LGI2: variants seen among roughly 807,000 people sequenced by gnomAD.
LGI2 encodes leucine-rich repeat LGI family member 2.
A neutral mutation model predicts 52.0 loss-of-function variants in LGI2; 30 were observed. The observed-to-expected ratio is 0.58, with a 90% confidence interval of 0.43 to 0.78. The LOEUF (loss-of-function observed/expected upper bound fraction) is 0.78, where lower values mean the gene tolerates loss of function less well. Among genes scored for constraint, LGI2 ranks in the 30% least tolerant of loss-of-function variants. The pLI is 0.00. For synonymous variants in LGI2, 270 were observed against 271.8 expected, an observed-to-expected ratio of 0.99 and a Z score of 0.06; for missense variants, 573 against 692.5, an observed-to-expected ratio of 0.83 and a Z score of 1.94.
intron 7 of LGI2, among the ~76,000 whole-genome samples, chr4:25,010,657 A>G (rs913365110): frequency 9.8e-5 from 15 of 152,310 alleles, no homozygotes; most frequent in Non-Finnish European, 1.9e-4. Flanking sequence ...TCCTCTCTCT[A>G]AAGAAGAGAG....
rs941773836 is a variant in LGI2, at chr4:25,002,420, T to C, written c.*1031A>G. 1 of 152,706 alleles carries C rather than the reference T, an allele frequency of 6.5e-6. No individual in the cohort carries two copies. The highest frequency in any genetic ancestry group is 1.5e-5 in the Non-Finnish European group (1 of 68,154). 9.5% of individuals were successfully genotyped at this position (152,706 alleles called of 1,614,324 possible). ...GCTGGCAGGGAAGTTGGTATTCGAT[T>C]ACTTGAAATATTAAGTTGTCCAGAG... On this transcript the variant is annotated 3_prime_UTR_variant, in exon 8 of 8. Transcript: ENST00000382114.
At chr4:25,029,225 T>C (rs1012159273) in intron 1 of LGI2, among the ~76,000 whole-genome samples, 13 of 152,228 alleles carry the variant, frequency 8.5e-5, no homozygotes, top group Non-Finnish European at 2.9e-5. Context: ...TCAGTTGGCA[T>C]GCAGATCACT....
At chr4:24,995,950 G>A (rs1725063056), downstream of LGI2, among the ~76,000 whole-genome samples, 1 of 152,186 alleles carries the variant, frequency 6.6e-6, no homozygotes, top group Middle Eastern at 3.2e-3. Flanking sequence ...GCTGGCCAGT[G>A]GATGAAATGG....
intron 6 of LGI2, among the ~76,000 whole-genome samples, chr4:25,016,521 C>T (rs537783401): frequency 1.3e-5 from 2 of 152,336 alleles, no homozygotes; most frequent in South Asian, 4.1e-4. Context: ...ATACAATAAA[C>T]TAACCTCGTA....
downstream of LGI2, among the ~76,000 whole-genome samples, chr4:24,995,554 C>G (rs776986636): frequency 5.9e-5 from 9 of 152,160 alleles, no homozygotes; most frequent in Non-Finnish European, 1.3e-4. Flanking sequence ...CCCACATGGG[C>G]CCCTCAACAG....
chr4:25,013,082 C>T (rs1483587683), intron 6 of LGI2, among the ~76,000 whole-genome samples: 1 of 152,172 alleles, frequency 6.6e-6, no homozygotes, highest in African/African-American at 2.4e-5. Context: ...GGTACACTCC[C>T]CAAATGGTAC....
At chr4:25,009,888 C>G (rs1725522358) in intron 7 of LGI2, among the ~76,000 whole-genome samples, 1 of 152,128 alleles carries the variant, frequency 6.6e-6, no homozygotes, top group Non-Finnish European at 1.5e-5. Context: ...CCTGCCTCGG[C>G]CTCCCAAACT....
chr4:25,016,228 C>T (rs368317122), intron 6 of LGI2, among the ~76,000 whole-genome samples: 24 of 152,302 alleles, frequency 1.6e-4, no homozygotes, highest in African/African-American at 5.1e-4. Flanking sequence ...CCTATTCCCA[C>T]GGCCCTATAG....
intron 7 of LGI2, among the ~76,000 whole-genome samples, chr4:25,005,643 G>C (rs981314539): frequency 6.6e-6 from 1 of 152,052 alleles, no homozygotes; most frequent in African/African-American, 2.4e-5. Flanking sequence ...CTCCTGGGGT[G>C]GTGGGGGGTT....
intron 2 of LGI2, 26 bp from the exon 3 acceptor site, chr4:25,026,965 G>A (rs779778471): frequency 7.7e-6 from 12 of 1,563,558 alleles, no homozygotes; most frequent in East Asian, 2.2e-5. Context: ...AGATTCCAAT[G>A]GAGAGATGTA....
chr4:24,993,624 T>C, the LGI2 span, among the ~76,000 whole-genome samples: 1 of 152,196 alleles, frequency 6.6e-6, no homozygotes, highest in Non-Finnish European at 1.5e-5. Flanking sequence ...GAAAATTTCA[T>C]GTTAATTTCA....
chr4:25,013,340 A>G (rs138511664), intron 6 of LGI2, among the ~76,000 whole-genome samples: 52 of 152,230 alleles, frequency 3.4e-4, no homozygotes, highest in African/African-American at 1.3e-3. Context: ...TGAGTGGTAT[A>G]TGAAGATGTG....
In LGI2 at chr4:25,018,455, T is replaced by C. The variant is rs1414494626; in HGVS notation, c.486-297A>G. Among the ~76,000 whole-genome samples, 3 of 152,116 alleles carry C rather than the reference T, an allele frequency of 2.0e-5. No individual in the cohort carries two copies. The East Asian group carries it at 5.8e-4, about 29-fold the overall frequency. On this transcript the variant is annotated intron_variant, in intron 5 of 7. Coordinates refer to ENST00000382114, the MANE Select transcript of LGI2 (RefSeq NM_018176.4). ...TCTCGTCTCCACGCCATGCCAGAAA[T>C]GGGAGACATATGATAGAAGAGCAGC... is the stretch of plus-strand genomic sequence containing the variant.
downstream of LGI2, among the ~76,000 whole-genome samples, chr4:24,997,673 T>C (rs924586306): frequency 2.6e-5 from 4 of 152,210 alleles, no homozygotes; most frequent in Non-Finnish European, 5.9e-5. Flanking sequence ...GCATTCATAC[T>C]GTTTGGTTGA....
At chr4:25,024,701 T>C in intron 4 of LGI2, 119 bp downstream of exon 4, 4 of 646,938 alleles carry the variant, frequency 6.2e-6, no homozygotes, top group Non-Finnish European at 1.1e-5. Flanking sequence ...AGAAACCTCT[T>C]GAGTAATCTA....
At chr4:25,024,761 C>A in intron 4 of LGI2, 59 bp downstream of exon 4, 1 of 1,189,412 alleles carries the variant, frequency 8.4e-7, no homozygotes, top group Non-Finnish European at 1.2e-6. Context: ...AGAGAGGCTC[C>A]AGGAAACCAA....
Position 25,001,066 on chromosome 4 carries a change from G to A in LGI2, c.*2385C>T, listed in dbSNP as rs1250828977. 9.2e-5 allele frequency: 14 copies of A among 152,252 alleles called. No homozygotes were observed. Among genetic ancestry groups the A allele is most frequent in the African/African-American group, 3.4e-4 (14 of 41,448 alleles). The allele number at this position is 152,252 out of a possible 1,614,324, so 9.4% of individuals were successfully genotyped here. ...AAAAGGAAAACCTGATTGCAGTTGAGTGGGTCACCCCCTTCTCACACCCCA... is the reference window on the plus strand; with the variant it reads ...AAAAGGAAAACCTGATTGCAGTTGAATGGGTCACCCCCTTCTCACACCCCA... On this transcript the variant is annotated 3_prime_UTR_variant, in exon 8 of 8. Transcript: ENST00000382114.
At chr4:25,007,660 C>T (rs1725436398) in intron 7 of LGI2, among the ~76,000 whole-genome samples, 1 of 150,114 alleles carries the variant, frequency 6.7e-6, no homozygotes, top group African/African-American at 2.5e-5. Context: ...ACATACTTAG[C>T]CTGCAGAAAT....
At chr4:25,016,110 G>C (rs908927800) in intron 6 of LGI2, among the ~76,000 whole-genome samples, 8 of 151,746 alleles carry the variant, frequency 5.3e-5, no homozygotes, top group African/African-American at 1.9e-4. Context: ...GGTTACCTCA[G>C]TTCCAAGCTA....
Sources: allele counts gnomAD v4.1 joint callset (sites outside exome capture counted in the v4.1 genomes callset), GRCh38; gene constraint gnomAD v4.1.1; transcripts MANE v1.5; gene names NCBI Gene and HGNC (gene_info 2026-07-23, HGNC 2026-07-21).